The following RP1 variants were observed in gnomAD, a reference collection of about 807,000 sequenced individuals.
The protein encoded by RP1 is oxygen-regulated protein 1.
Under a neutral mutation model 14.8 loss-of-function variants are expected in RP1, and 16 were observed. The observed-to-expected ratio is 1.08, with a 90% CI of 0.73 to 1.65. The LOEUF is 1.65. Among genes scored for constraint, RP1 ranks in the 40% most tolerant of loss-of-function variants. The pLI is 0.00. For missense variants in RP1, 2,631 were observed against 2,535.0 expected, an observed-to-expected ratio of 1.04 and a Z score of -0.81; for synonymous variants, 876 against 883.6, an observed-to-expected ratio of 0.99 and a Z score of 0.15.
chr8:54,672,770 A>G (rs1488753572), intron 7 of RP1, among the ~76,000 whole-genome samples: 2 of 152,146 alleles, frequency 1.3e-5, no homozygotes, highest in Non-Finnish European at 2.9e-5. Context: ...AATTATAGAC[A>G]TTTTATCATA....
chr8:54,674,526 G>GA (rs1807250472), intron 8 of RP1, among the ~76,000 whole-genome samples: 2 of 87,798 alleles, frequency 2.3e-5, no homozygotes, highest in East Asian at 5.3e-4. Context: ...AAAAAAAAAA[G>GA]GAAAAAAAAA....
At chr8:54,571,311 C>A (rs1181649468) in intron 1 of RP1, among the ~76,000 whole-genome samples, 8 of 152,256 alleles carry the variant, frequency 5.3e-5, no homozygotes, top group Non-Finnish European at 1.2e-4. Context: ...CTTGCAGTCA[C>A]TTTTATAGAG....
intron 6 of RP1, among the ~76,000 whole-genome samples, chr8:54,662,211 G>A (rs911548538): frequency 1.3e-5 from 2 of 152,038 alleles, no homozygotes; most frequent in African/African-American, 4.8e-5. Flanking sequence ...TGAGACACTA[G>A]TTCTTATTTA....
At chr8:54,820,292 T>C (rs1043428045) in intron 24 of RP1, among the ~76,000 whole-genome samples, 1 of 152,056 alleles carries the variant, frequency 6.6e-6, no homozygotes, top group Non-Finnish European at 1.5e-5. Context: ...CTCCAGCTTG[T>C]GTTGCACTGG....
At chr8:54,651,014 CAT>C (rs1006935220) in intron 4 of RP1, among the ~76,000 whole-genome samples, 5 of 151,066 alleles carry the variant, frequency 3.3e-5, no homozygotes, top group African/African-American at 7.3e-5. Context: ...GTCAAATGTG[CAT>C]GTGTGTGTGT....
At chr8:54,580,775 T>C (rs7010895) in intron 1 of RP1, among the ~76,000 whole-genome samples, 11,997 of 150,918 alleles carry the variant, frequency 0.079, 1,508 homozygotes, top group African/African-American at 0.27. Context: ...TGTGCCACCA[T>C]GCCCAGCTAA....
intron 1 of RP1, among the ~76,000 whole-genome samples, chr8:54,594,409 T>C (rs1805096254): frequency 6.6e-6 from 1 of 152,254 alleles, no homozygotes; most frequent in South Asian, 2.1e-4. Flanking sequence ...CTGGTCTATC[T>C]TCCACTTGCC....
At chr8:54,791,319 C>T (rs951427014) in intron 24 of RP1, among the ~76,000 whole-genome samples, 2 of 152,042 alleles carry the variant, frequency 1.3e-5, no homozygotes, top group Non-Finnish European at 2.9e-5. Flanking sequence ...TCACTTTTAC[C>T]TTCCTTACAA....
chr8:54,635,746 T>C (rs955270622), downstream of RP1, among the ~76,000 whole-genome samples: 3 of 152,114 alleles, frequency 2.0e-5, no homozygotes, highest in African/African-American at 4.8e-5. Context: ...CCCACAGCTA[T>C]TGAACGTGAT....
At chr8:54,842,913 G>T (rs1811819765) in intron 25 of RP1, among the ~76,000 whole-genome samples, 1 of 152,104 alleles carries the variant, frequency 6.6e-6, no homozygotes, top group South Asian at 2.1e-4. Flanking sequence ...GCCTCTGCAT[G>T]GTCAGCTCTT....
intron 28 of RP1, among the ~76,000 whole-genome samples, chr8:54,866,743 A>G (rs1029576930): frequency 6.6e-6 from 1 of 152,124 alleles, no homozygotes; most frequent in Non-Finnish European, 1.5e-5. Context: ...GTCGGCAAGG[A>G]CCTATGGTCC....
At position 54,829,986 on chromosome 8, in the gene RP1, TA is replaced by T. The variant is rs1480671243; in HGVS notation, c.3616-7457del. ...CTACACATCTCAATGTTCTTAGAATTAAAAAAAGAGTATGTATTCTGAAGCT... is the reference window on the plus strand; with the variant it reads ...CTACACATCTCAATGTTCTTAGAATTAAAAAAGAGTATGTATTCTGAAGCT... On this transcript the variant is annotated intron_variant, in intron 24 of 28. Coordinates refer to the RP1 transcript ENST00000637698. 3.9e-5 allele frequency among the ~76,000 whole-genome samples: 6 copies of T among 152,094 alleles called. No homozygotes were observed. In the South Asian group the frequency reaches 1.2e-3, roughly 31 times the overall value.
intron 7 of RP1, among the ~76,000 whole-genome samples, chr8:54,670,671 TTATATATATATATATATATA>T (rs375877155): frequency 1.1e-4 from 7 of 62,566 alleles, no homozygotes; most frequent in African/African-American, 4.8e-4. Flanking sequence ...ATATATGTTT[TTATATATATATATATATATA>T]TATATATATA....
chr8:54,700,450 T>A (rs1807986098), intron 13 of RP1, among the ~76,000 whole-genome samples: 1 of 152,164 alleles, frequency 6.6e-6, no homozygotes. Flanking sequence ...AAATTCTGAC[T>A]AAGTGATCAG....
chr8:54,596,333 T>G lies in RP1; in HGVS notation c.-12-24622T>G, dbSNP rs76138213. On this transcript the variant is annotated intron_variant, in intron 1 of 22. Coordinates refer to the RP1 transcript ENST00000636932. ...TTATAGGCCCTACCTATATCACAAC[T>G]GTAAATCTACAATTTCTGGAGTTTG... Among the ~76,000 whole-genome samples, 896 of 152,334 alleles carry G rather than the reference T, an allele frequency of 5.9e-3. 3 individuals carry two copies. Among genetic ancestry groups the G allele is most frequent in the South Asian group, 0.018 (86 of 4,824 alleles).
chr8:54,825,077 C>T (rs1484493590), intron 24 of RP1, among the ~76,000 whole-genome samples: 2 of 152,172 alleles, frequency 1.3e-5, no homozygotes, highest in East Asian at 1.9e-4. Context: ...TCACGCCATT[C>T]TCCTGCCTCA....
rs1330450147 is a variant in RP1 at position 54,756,951 on chromosome 8, G to A, written c.3093+1181G>A. On this transcript the variant is annotated intron_variant, in intron 21 of 22. Transcript: ENST00000636932. ...TGTATTGTGGATTGAAATTAAAATT[G>A]GGTAGGAGATATAGTTGCAATCAGT... is the stretch of plus-strand genomic sequence containing the variant. 2.0e-5 allele frequency among the ~76,000 whole-genome samples: 3 copies of A among 152,184 alleles called. No individual in the cohort carries two copies. The East Asian group carries it at 5.8e-4, about 29-fold the overall frequency.
chr8:54,863,780 GCATAAGTACAAA>G (rs1393717863), intron 27 of RP1, among the ~76,000 whole-genome samples: 1 of 152,202 alleles, frequency 6.6e-6, no homozygotes, highest in Non-Finnish European at 1.5e-5. Context: ...AACTGCAATT[GCATAAGTACAAA>G]CTTTGCTGCC....
intron 25 of RP1, among the ~76,000 whole-genome samples, chr8:54,845,252 G>T (rs1333632478): frequency 1.3e-5 from 2 of 152,166 alleles, no homozygotes; most frequent in East Asian, 3.9e-4. Flanking sequence ...GCCTAGAAAG[G>T]GTGCAGCTCT....
Sources: gnomAD v4.1 joint callset for allele counts (sites outside exome capture counted in the v4.1 genomes callset) on GRCh38, gnomAD v4.1.1 for gene constraint, MANE v1.5 for transcripts, NCBI Gene and HGNC (gene_info 2026-07-23, HGNC 2026-07-21) for gene names.